Variants in TRPS1 observed in about 807,000 individuals in gnomAD.
TRPS1 encodes the protein transcriptional repressor GATA binding 1, also known as zinc finger transcription factor Trps1.
In TRPS1, 6 loss-of-function variants were observed where a neutral mutation model predicts 101.2. The observed-to-expected ratio is 0.06, with a 90% CI of 0.03 to 0.12. TRPS1 has a LOEUF of 0.12. Ranked by LOEUF, TRPS1 falls within the 10% of genes least tolerant of loss-of-function variation. TRPS1 has a pLI of 1.00. For missense variants in TRPS1, 1,363 were observed against 1,567.0 expected, an observed-to-expected ratio of 0.87 and a Z score of 2.20; for synonymous variants, 578 against 589.8, an observed-to-expected ratio of 0.98 and a Z score of 0.29.
intron 5 of TRPS1, among the ~76,000 whole-genome samples, chr8:115,438,498 A>C (rs1813512415): frequency 6.6e-6 from 1 of 152,226 alleles, no homozygotes; most frequent in South Asian, 2.1e-4. Context: ...AATATGAAGC[A>C]CATAGAATGC....
Position 115,604,796 on chromosome 8 carries a change from G to A in TRPS1, c.1173C>T (p.Asn391=). Residue 391 remains asparagine, a synonymous_variant, in exon 4 of 7, where the codon AAC becomes AAT. Coordinates refer to ENST00000395715, the MANE Select transcript of TRPS1 (RefSeq NM_014112.5). The surrounding 1 kb of genome is among the most constrained non-coding windows in gnomAD (Gnocchi z 4.1). Reference sequence around the variant, plus strand: ...GAAGTGCAGGGATGGACTTGTTAGAGTTTTTCTCTGAAGGTTTTGCAACCT... The same window carrying A: ...GAAGTGCAGGGATGGACTTGTTAGAATTTTTCTCTGAAGGTTTTGCAACCT... ...SSEVAKPSEK[N]SNKSIPALQS... 6.2e-7 allele frequency: 1 copy of A among 1,614,002 alleles called. No homozygotes were observed. The highest frequency in any genetic ancestry group is 8.5e-7 in the Non-Finnish European group (1 of 1,179,974).
intron 5 of TRPS1, among the ~76,000 whole-genome samples, chr8:115,530,089 T>G (rs1390098468): frequency 1.3e-5 from 2 of 152,284 alleles, no homozygotes; most frequent in Admixed American, 6.5e-5. Flanking sequence ...AAAAAGTTCA[T>G]GTTATTAGTA....
At position 115,587,157 on chromosome 8, in the gene TRPS1, G is replaced by T. The variant is rs747832442; in HGVS notation, c.2544C>A (p.Ala848=). The stretch of plus-strand genomic sequence containing the variant: ...CATAAATAGGTCGCGCCAGATGGGC[G>T]GCCTCCACATTGGGACTATCCCTTA... ...KTLRDSPNVE[A]AHLARPIYGL... is the part of the protein sequence containing the mutation. The change falls in exon 5 of 7, where the codon GCC becomes GCA. Residue 848 remains alanine, a synonymous_variant. Transcript: ENST00000395715. 3.7e-6 allele frequency: 6 copies of T among 1,614,048 alleles called. No individual in the cohort carries two copies. The South Asian group carries it at 5.5e-5, about 15-fold the overall frequency.
intron 5 of TRPS1, among the ~76,000 whole-genome samples, chr8:115,475,689 C>T (rs956637479): frequency 1.4e-4 from 22 of 152,148 alleles, no homozygotes; most frequent in Admixed American, 9.2e-4. Flanking sequence ...AGTGCTATCT[C>T]GACGATTACA....
intron 5 of TRPS1, among the ~76,000 whole-genome samples, chr8:115,472,692 C>CT (rs919195813): frequency 2.6e-4 from 39 of 152,290 alleles, no homozygotes; most frequent in African/African-American, 9.4e-4. Flanking sequence ...CAAACCATGT[C>CT]TTTGTGACTA....
At chr8:115,421,885 A>G (rs953281482) in intron 5 of TRPS1, among the ~76,000 whole-genome samples, 2 of 152,216 alleles carry the variant, frequency 1.3e-5, no homozygotes, top group Admixed American at 6.5e-5. Flanking sequence ...CCTTAGCCCA[A>G]TCAAGGACAG....
intron 5 of TRPS1, among the ~76,000 whole-genome samples, chr8:115,485,297 A>G (rs964227835): frequency 2.6e-5 from 4 of 152,218 alleles, no homozygotes; most frequent in African/African-American, 4.8e-5. Context: ...GGATGCAAGG[A>G]AATGAATTCT....
chr8:115,468,094 A>G (rs1814372241), intron 5 of TRPS1, among the ~76,000 whole-genome samples: 1 of 152,208 alleles, frequency 6.6e-6, no homozygotes, highest in Non-Finnish European at 1.5e-5. Flanking sequence ...TCTGAGTTTC[A>G]ATTTCCGAAA....
At chr8:115,438,639 A>G (rs1465673875) in intron 5 of TRPS1, among the ~76,000 whole-genome samples, 2 of 152,152 alleles carry the variant, frequency 1.3e-5, no homozygotes, top group Non-Finnish European at 2.9e-5. Context: ...TCTCTTCTAG[A>G]TCTAGGATTT....
intron 3 of TRPS1, among the ~76,000 whole-genome samples, chr8:115,615,507 C>T (rs1397072739): frequency 5.3e-5 from 8 of 152,202 alleles, no homozygotes; most frequent in African/African-American, 1.9e-4. Flanking sequence ...CGGTGGCTCA[C>T]GCCTGTAATC....
intron 3 of TRPS1, among the ~76,000 whole-genome samples, chr8:115,615,594 A>T (rs1818260047): frequency 6.6e-6 from 1 of 152,120 alleles, no homozygotes. Flanking sequence ...CCCCGTCTCT[A>T]CTAAAAATAC....
chr8:115,482,414 T>A (rs1052269732), intron 5 of TRPS1, among the ~76,000 whole-genome samples: 4 of 152,096 alleles, frequency 2.6e-5, no homozygotes, highest in African/African-American at 9.7e-5. Flanking sequence ...AATTTTTTTT[T>A]ACATTACAAA....
In TRPS1 at chr8:115,410,984, T is replaced by G. The variant is rs936420046; in HGVS notation, c.*3039A>C. ...GAAATCTTAAATTAAAAAAATAAAT[T>G]TTATAATATATCTTGAGAGATGGAA... is the stretch of plus-strand genomic sequence containing the variant. On this transcript the variant is annotated 3_prime_UTR_variant, in exon 7 of 7. Transcript: ENST00000395715. The G allele has an allele frequency of 6.6e-6, 1 of 151,694 alleles. No homozygotes were observed. The highest frequency in any genetic ancestry group is 2.4e-5 in the African/African-American group (1 of 41,396). The allele number at this position is 151,694 out of a possible 1,614,324, so 9.4% of individuals were successfully genotyped here.
intron 5 of TRPS1, among the ~76,000 whole-genome samples, chr8:115,455,751 TTC>T (rs1814000313): frequency 6.8e-6 from 1 of 146,688 alleles, no homozygotes; most frequent in Non-Finnish European, 1.5e-5. Flanking sequence ...TATGGCTTTT[TTC>T]TTTTTCTTTC....
intron 1 of TRPS1, among the ~76,000 whole-genome samples, chr8:115,624,231 A>G (rs1238151784): frequency 6.6e-6 from 1 of 152,032 alleles, no homozygotes; most frequent in African/African-American, 2.4e-5. Flanking sequence ...CATGCAGTCT[A>G]CCTTACCCCT....
At chr8:115,646,578 T>C (rs1249918879) in intron 1 of TRPS1, among the ~76,000 whole-genome samples, 1 of 152,200 alleles carries the variant, frequency 6.6e-6, no homozygotes, top group Non-Finnish European at 1.5e-5. Context: ...GTAATAAGTA[T>C]GCCCCCCATA....
At chr8:115,483,357 C>A (rs547717197) in intron 5 of TRPS1, among the ~76,000 whole-genome samples, 20 of 151,712 alleles carry the variant, frequency 1.3e-4, no homozygotes, top group Non-Finnish European at 2.7e-4. Flanking sequence ...CATGGTGAGA[C>A]CCCATCTCTA....
chr8:115,536,885 G>T (rs1410314800), intron 5 of TRPS1, among the ~76,000 whole-genome samples: 1 of 151,270 alleles, frequency 6.6e-6, no homozygotes, highest in Non-Finnish European at 1.5e-5. Context: ...TTGAAGGTCA[G>T]AATTTTACAT....
rs889170308 is a variant in TRPS1 at position 115,478,874 on chromosome 8, GATGTGTATATATGT to G, written c.2701-60436_2701-60423del. On this transcript the variant is annotated intron_variant, in intron 5 of 6. Coordinates refer to ENST00000395715, the MANE Select transcript of TRPS1 (RefSeq NM_014112.5). ...ATGTATATATGTGTATATATGTGTAGATGTGTATATATGTATGTGTATATATGTATATAAATGTA... is the reference window on the plus strand; with the variant it reads ...ATGTATATATGTGTATATATGTGTAGATGTGTATATATGTATATAAATGTA... Among the ~76,000 whole-genome samples, 144 of 144,450 alleles carry G rather than the reference GATGTGTATATATGT, an allele frequency of 1.0e-3. 1 individual carries two copies. The highest frequency in any genetic ancestry group is 1.3e-3 in the Non-Finnish European group (88 of 66,090). 94.8% of individuals were successfully genotyped at this position (144,450 alleles called of 152,430 possible). A position where few individuals can be genotyped will look rare whatever the true frequency, so the allele number is the denominator to read the frequency against.
Sources: allele counts gnomAD v4.1 joint callset (sites outside exome capture counted in the v4.1 genomes callset), GRCh38; gene constraint gnomAD v4.1.1; non-coding constraint Gnocchi (gnomAD v3.1); transcripts MANE v1.5; gene names NCBI Gene and HGNC (gene_info 2026-07-23, HGNC 2026-07-21).